Variants in KANK2 observed in about 807,000 individuals in gnomAD.
KANK2 encodes the protein KN motif and ankyrin repeat domain-containing protein 2.
KANK2 carries 41 observed loss-of-function variants against 74.6 expected under a neutral mutation model. The ratio of observed to expected loss-of-function variants is 0.55; its 90% CI spans 0.43 to 0.71. The LOEUF is 0.71. KANK2 is among the 30% of genes least tolerant of loss of function. The pLI is 0.00. For synonymous variants in KANK2, 537 were observed against 519.0 expected, an observed-to-expected ratio of 1.03 and a Z score of -0.47; for missense variants, 1,148 against 1,196.4, an observed-to-expected ratio of 0.96 and a Z score of 0.60.
chr19:11,178,474 G>A (rs370039129), intron 5 of KANK2, 27 bp from the exon 6 acceptor site: 13 of 1,601,934 alleles, frequency 8.1e-6, no homozygotes, highest in African/African-American at 1.4e-5. Context: ...CGGAGGTGCT[G>A]TGAGAGTCCT....
chr19:11,164,633 A>C lies in KANK2; in HGVS notation c.*1925T>G, dbSNP rs1280284478. ...CCAAAGCTGCGACCTTCCCCCTCAGACACCCACAATTAATTGTTTCCAATC... is the reference window on the plus strand; with the variant it reads ...CCAAAGCTGCGACCTTCCCCCTCAGCCACCCACAATTAATTGTTTCCAATC... On this transcript the variant is annotated 3_prime_UTR_variant, in exon 13 of 13. Transcript: ENST00000586659. 1.3e-5 allele frequency: 2 copies of C among 151,864 alleles called. No individual in the cohort carries two copies. Among genetic ancestry groups the C allele is most frequent in the African/African-American group, 2.4e-5 (1 of 41,382 alleles). The allele number at this position is 151,864 out of a possible 1,614,324, so 9.4% of individuals were successfully genotyped here. A position where few individuals can be genotyped will look rare whatever the true frequency, so the allele number is the denominator to read the frequency against.
At chr19:11,184,355 G>A (rs989469645) in intron 4 of KANK2, among the ~76,000 whole-genome samples, 2 of 148,114 alleles carry the variant, frequency 1.4e-5, no homozygotes, top group South Asian at 4.3e-4. Context: ...CAGCCTGGAT[G>A]ACAGAGCGAA....
chr19:11,173,224 T>TA, intron 9 of KANK2, 101 bp from the exon 10 acceptor site: 2 of 1,256,190 alleles, frequency 1.6e-6, no homozygotes, highest in Non-Finnish European at 2.2e-6. Flanking sequence ...AGGCATGCCC[T>TA]AATCCCTCCC....
intron 3 of KANK2, 144 bp from the exon 4 acceptor site, chr19:11,194,186 T>C: frequency 1.1e-6 from 1 of 885,058 alleles, no homozygotes; most frequent in Non-Finnish European, 1.7e-6. Context: ...TCTCAGACCC[T>C]CCAGAGCAGG....
chr19:11,196,799 T>C (rs1306559589), intron 1 of KANK2: 2 of 151,942 alleles, frequency 1.3e-5, no homozygotes, highest in East Asian at 1.9e-4. Flanking sequence ...CTGGAGCCTA[T>C]AAGAGGGGAC....
rs753064796 is a variant in KANK2 at position 11,175,960 on chromosome 19, G to A, written c.1790C>T (p.Ala597Val). 6.2e-7 allele frequency: 1 copy of A among 1,613,916 alleles called. No individual in the cohort carries two copies. Among genetic ancestry groups the A allele is most frequent in the South Asian group, 1.1e-5 (1 of 90,990 alleles). ...RMELSPDLIS[A>V]CLALEKYLDN... ...CAGGTACTTTTCCAGGGCCAAGCAGGCTGAGATGAGGTCAGGGCTTAGCTC... is the reference window on the plus strand; with the variant it reads ...CAGGTACTTTTCCAGGGCCAAGCAGACTGAGATGAGGTCAGGGCTTAGCTC... The change falls in exon 8 of 13, where the codon GCC becomes GTC. Residue 597 changes from alanine (A) to valine (V), a missense_variant. Coordinates refer to ENST00000586659, the MANE Select transcript of KANK2 (RefSeq NM_001136191.3).
At chr19:11,168,098 G>A (rs752519986) in intron 12 of KANK2, among the ~76,000 whole-genome samples, 47 of 149,862 alleles carry the variant, frequency 3.1e-4, no homozygotes, top group Non-Finnish European at 5.2e-4. Context: ...CACCTCCTGG[G>A]TTCAAGTGAT....
intron 4 of KANK2, among the ~76,000 whole-genome samples, chr19:11,188,397 T>A (rs1182065775): frequency 6.7e-6 from 1 of 148,954 alleles, no homozygotes; most frequent in Non-Finnish European, 1.5e-5. Context: ...TTAGTAGGGG[T>A]TTTTGCCATG....
intron 4 of KANK2, among the ~76,000 whole-genome samples, chr19:11,183,422 C>T (rs1755315429): frequency 6.6e-6 from 1 of 152,156 alleles, no homozygotes; most frequent in Admixed American, 6.6e-5. Flanking sequence ...GATGAAGGTA[C>T]AACTACAAAG....
Position 11,193,822 on chromosome 19 carries a change from C to G in KANK2, c.258G>C (p.Ser86=), listed in dbSNP as rs755238. 6.2e-7 allele frequency: 1 copy of G among 1,612,508 alleles called. No individual in the cohort carries two copies. Among genetic ancestry groups the G allele is most frequent in the African/African-American group, 1.3e-5 (1 of 74,924 alleles). ...TGTCCCCACTGGCATTGGAGCACAG[C>G]GACTCAGTGGACGTCCACCAGGAGC... ...GPGSWWTSTE[S]LCSNASGDSR... The change falls in exon 4 of 13, where the codon TCG becomes TCC. Residue 86 remains serine (S), a synonymous_variant. Transcript: ENST00000586659. The surrounding 1 kb of genome is among the most constrained non-coding windows in gnomAD (Gnocchi z 9.6).
Position 11,170,152 on chromosome 19 carries a change from C to T in KANK2, c.2308G>A (p.Asp770Asn). The T allele has an allele frequency of 1.2e-6, 2 of 1,612,502 alleles. No homozygotes were observed. The highest frequency in any genetic ancestry group is 1.7e-6 in the Non-Finnish European group (2 of 1,180,036). ...CACATGAGGGCCGTGGAGCCGTCAT[C>T]ATCTTGCACGTTGACATCTGCCTCA... ...ACEADVNVQD[D>N]DGSTALMCAC... Residue 770 changes from aspartate (D) to asparagine (N), a missense_variant, in exon 11 of 13, where the codon GAT (aspartate) becomes AAT (asparagine). By Grantham distance (23) the Asp-to-Asn change is conservative. Coordinates refer to ENST00000586659, the MANE Select transcript of KANK2 (RefSeq NM_001136191.3). The surrounding 1 kb of genome is among the most constrained non-coding windows in gnomAD (Gnocchi z 5.2).
At position 11,193,578 on chromosome 19, in the gene KANK2, T is replaced by C. The variant is rs754538570; in HGVS notation, c.502A>G (p.Thr168Ala). The change falls in exon 4 of 13, where the codon ACA becomes GCA. Residue 168 changes from threonine to alanine, a missense_variant. Physicochemically the swap from Thr to Ala is moderately conservative, Grantham distance 58 (BLOSUM62 0). Coordinates refer to ENST00000586659, the MANE Select transcript of KANK2 (RefSeq NM_001136191.3). This position sits in a 1 kb window ranked among gnomAD's most constrained non-coding sequence, Gnocchi z 9.6. The stretch of plus-strand genomic sequence containing the variant: ...GTGGACAGTCCTGAACTCCGTGGTG[T>C]CGGGGGTGGCAACCCCACGCCCACC... ...SLVGVGLPPP[T>A]PRSSGLSTPV... 2.5e-6 allele frequency: 4 copies of C among 1,588,622 alleles called. No homozygotes were observed. Among genetic ancestry groups the C allele is most frequent in the Non-Finnish European group, 3.4e-6 (4 of 1,169,146 alleles).
rs762427020 is a variant in KANK2, at chr19:11,172,973, C to T, written c.2211+8G>A. On this transcript the variant is annotated splice_region_variant and intron_variant, in intron 10 of 12. Coordinates refer to ENST00000586659, the MANE Select transcript of KANK2 (RefSeq NM_001136191.3). ...CACCTGGATCTGCAGCAGCCGGGGT[C>T]CCCATACCTGGCTGGCTTTGGCATT... The T allele has an allele frequency of 6.2e-7, 1 of 1,612,348 alleles. No homozygotes were observed. The highest frequency in any genetic ancestry group is 1.1e-5 in the South Asian group (1 of 90,886).
At chr19:11,174,333 T>TC (rs2078267161) in intron 9 of KANK2, 140 bp downstream of exon 9, 2 of 692,616 alleles carry the variant, frequency 2.9e-6, no homozygotes, top group East Asian at 5.5e-5. Flanking sequence ...AGAGAGGTGT[T>TC]CCCTCTATTA....
chr19:11,176,041 G>T, intron 7 of KANK2, 52 bp from the exon 8 acceptor site: 1 of 1,427,666 alleles, frequency 7.0e-7, no homozygotes, highest in Non-Finnish European at 9.8e-7. Flanking sequence ...TGCGGTGCCT[G>T]GGAAGGGACT....
chr19:11,184,481 T>C (rs1307250291), intron 4 of KANK2, among the ~76,000 whole-genome samples: 2 of 150,298 alleles, frequency 1.3e-5, no homozygotes, highest in Non-Finnish European at 3.0e-5. Flanking sequence ...GATAATCTTC[T>C]AGAACAGGGT....
rs916389185 is a variant in KANK2 at position 11,164,401 on chromosome 19, G to T, written c.*2157C>A. The T allele has an allele frequency of 6.6e-6, 1 of 152,112 alleles. No homozygotes were observed. Among genetic ancestry groups the T allele is most frequent in the Non-Finnish European group, 1.5e-5 (1 of 68,026 alleles). The allele number at this position is 152,112 out of a possible 1,614,324, so 9.4% of individuals were successfully genotyped here. A position where few individuals can be genotyped will look rare whatever the true frequency, so the allele number is the denominator to read the frequency against. On this transcript the variant is annotated 3_prime_UTR_variant, in exon 13 of 13. Coordinates refer to ENST00000586659, the MANE Select transcript of KANK2 (RefSeq NM_001136191.3). Reference sequence around the variant, plus strand: ...ATCAGAAAGTGAAATTAAAGCTCATGGATATGCGTGAGAAGAGAATGGGCG... The same window carrying T: ...ATCAGAAAGTGAAATTAAAGCTCATTGATATGCGTGAGAAGAGAATGGGCG...
Position 11,192,886 on chromosome 19 carries a change from G to A in KANK2, c.1194C>T (p.Asn398=), listed in dbSNP as rs199820492. ...MCPVPAAATS[N]VHMVKKISIT... is the part of the protein sequence containing the mutation. ...TGCTAATCTTCTTCACCATATGGAC[G>A]TTGCTGGTAGCTGCAGCGGGCACTG... Residue 398 remains asparagine, a synonymous_variant, in exon 4 of 13, where the codon AAC becomes AAT. Transcript: ENST00000586659. The A allele has an allele frequency of 3.1e-5, 50 of 1,613,740 alleles. No homozygotes were observed. Among genetic ancestry groups the A allele is most frequent in the Middle Eastern group, 1.6e-4 (1 of 6,082 alleles).
intron 4 of KANK2, among the ~76,000 whole-genome samples, chr19:11,190,717 T>C (rs916430772): frequency 5.3e-5 from 8 of 150,982 alleles, no homozygotes; most frequent in African/African-American, 1.9e-4. Context: ...CCTGACCATG[T>C]TTCCAGAAGA....
Sources: gnomAD v4.1 joint callset for allele counts (sites outside exome capture counted in the v4.1 genomes callset) on GRCh38, gnomAD v4.1.1 for gene constraint, Gnocchi (gnomAD v3.1) non-coding constraint, MANE v1.5 for transcripts, NCBI Gene and HGNC (gene_info 2026-07-23, HGNC 2026-07-21) for gene names.